Variants in DGKB observed in about 807,000 individuals in gnomAD.
DGKB encodes the protein diacylglycerol kinase beta.
A neutral mutation model predicts 114.3 loss-of-function variants in DGKB; 67 were observed. The ratio of observed to expected loss-of-function variants is 0.59; its 90% CI spans 0.48 to 0.72. The LOEUF is 0.72. DGKB is among the 30% of genes least tolerant of loss of function. The probability of loss-of-function intolerance (pLI) is 0.00; values close to 1 mark genes in which losing one functional copy is unlikely to be tolerated. For missense variants in DGKB, 907 were observed against 975.2 expected (o/e 0.93, Z 0.93); for synonymous variants, 398 against 323.1 (o/e 1.23, Z -2.49).
intron 13 of DGKB, among the ~76,000 whole-genome samples, chr7:14,639,068 A>G (rs1811263270): frequency 7.1e-6 from 1 of 141,460 alleles, no homozygotes; most frequent in Non-Finnish European, 1.5e-5. Context: ...TATTTATTAA[A>G]TTAAAAAAAA....
chr7:14,363,129 A>G (rs1357174944), intron 21 of DGKB, among the ~76,000 whole-genome samples: 1 of 152,144 alleles, frequency 6.6e-6, no homozygotes, highest in Non-Finnish European at 1.5e-5. Context: ...CAGCTCATCC[A>G]CCAGATTACT....
chr7:14,719,516 G>A (rs13237347), intron 5 of DGKB, among the ~76,000 whole-genome samples: 62,061 of 151,320 alleles, frequency 0.41, 14,585 homozygotes, highest in East Asian at 0.87. Flanking sequence ...GGGATATATG[G>A]CATTTTTAGA....
intron 21 of DGKB, among the ~76,000 whole-genome samples, chr7:14,406,913 T>C (rs2128737413): frequency 6.6e-6 from 1 of 152,156 alleles, no homozygotes; most frequent in East Asian, 1.9e-4. Context: ...GACATAGAAA[T>C]GAAAGAAGAA....
chr7:14,486,468 G>A (rs1388975059), intron 20 of DGKB, among the ~76,000 whole-genome samples: 1 of 152,114 alleles, frequency 6.6e-6, no homozygotes, highest in African/African-American at 2.4e-5. Context: ...GAGTTATATA[G>A]AGAAAACGGC....
chr7:14,409,168 T>C (rs1421048627), intron 21 of DGKB, among the ~76,000 whole-genome samples: 1 of 152,116 alleles, frequency 6.6e-6, no homozygotes, highest in Non-Finnish European at 1.5e-5. Flanking sequence ...ATTGCCATTG[T>C]GGTGGGCTCA....
intron 6 of DGKB, among the ~76,000 whole-genome samples, chr7:14,703,410 A>T (rs530503423): frequency 6.6e-6 from 1 of 152,236 alleles, no homozygotes; most frequent in African/African-American, 2.4e-5. Flanking sequence ...GATAATGGGC[A>T]TTCATTACTG....
intron 21 of DGKB, among the ~76,000 whole-genome samples, chr7:14,394,317 T>C (rs1375753194): frequency 1.3e-5 from 2 of 152,202 alleles, no homozygotes; most frequent in Admixed American, 1.3e-4. Context: ...CATTTTTCCT[T>C]CATTCCTCTT....
chr7:14,255,435 A>G (rs1795823887), intron 23 of DGKB, among the ~76,000 whole-genome samples: 1 of 152,178 alleles, frequency 6.6e-6, no homozygotes, highest in South Asian at 2.1e-4. Context: ...TACTTGCAGC[A>G]TCTCCCTTGG....
chr7:14,911,867 T>G (rs1027329879), intron 1 of DGKB, among the ~76,000 whole-genome samples: 2 of 152,214 alleles, frequency 1.3e-5, no homozygotes, highest in African/African-American at 4.8e-5. Context: ...GTTTCTAACT[T>G]TGTTTACATA....
intron 1 of DGKB, among the ~76,000 whole-genome samples, chr7:14,887,456 T>G (rs1185235808): frequency 6.6e-6 from 1 of 151,840 alleles, no homozygotes; most frequent in Admixed American, 6.6e-5. Flanking sequence ...GCATTGGACC[T>G]TCTTCTCTGT....
intron 21 of DGKB, among the ~76,000 whole-genome samples, chr7:14,422,675 A>T (rs1315445728): frequency 6.6e-6 from 1 of 151,994 alleles, no homozygotes; most frequent in African/African-American, 2.4e-5. Context: ...TTAGCTAAAA[A>T]GTTTCCCAAT....
chr7:14,632,666 G>C (rs953159852), intron 13 of DGKB, among the ~76,000 whole-genome samples: 1 of 151,816 alleles, frequency 6.6e-6, no homozygotes, highest in Admixed American at 6.6e-5. Context: ...AAGGTTGGGA[G>C]AGAAGTCATA....
chr7:14,548,862 T>C (rs1443345563), intron 20 of DGKB, among the ~76,000 whole-genome samples: 4 of 151,646 alleles, frequency 2.6e-5, no homozygotes, highest in East Asian at 3.9e-4. Flanking sequence ...TTAGAGAAGA[T>C]TGAATGATAA....
At chr7:14,648,578 A>G (rs975922613) in intron 13 of DGKB, among the ~76,000 whole-genome samples, 2 of 152,174 alleles carry the variant, frequency 1.3e-5, no homozygotes, top group African/African-American at 4.8e-5. Context: ...AACTCTAAAA[A>G]GCAGAGCGCC....
intron 22 of DGKB, among the ~76,000 whole-genome samples, chr7:14,340,138 G>T (rs532348623): frequency 7.0e-6 from 1 of 143,048 alleles, no homozygotes; most frequent in African/African-American, 2.6e-5. Context: ...CAATGAGGGC[G>T]AAACCAAGAT....
chr7:14,677,720 T>C (rs1820115989), intron 12 of DGKB, among the ~76,000 whole-genome samples: 1 of 151,802 alleles, frequency 6.6e-6, no homozygotes, highest in South Asian at 2.1e-4. Flanking sequence ...GTATAAGCAG[T>C]GGGATATTAA....
intron 15 of DGKB, among the ~76,000 whole-genome samples, 166 bp from the exon 16 acceptor site, chr7:14,613,579 GTGTA>G (rs902805996): frequency 1.6e-4 from 13 of 81,992 alleles, no homozygotes; most frequent in East Asian, 1.8e-3. Context: ...GTGTGTGCGT[GTGTA>G]TGTGTGTGTG....
chr7:14,620,749 TA>T (rs1807474593), intron 15 of DGKB, among the ~76,000 whole-genome samples: 2 of 151,786 alleles, frequency 1.3e-5, no homozygotes, highest in African/African-American at 4.8e-5. Context: ...TACAATGTCT[TA>T]AAATGCTATT....
At chr7:14,932,239 T>A (rs908831264) in intron 1 of DGKB, among the ~76,000 whole-genome samples, 87 of 152,124 alleles carry the variant, frequency 5.7e-4, no homozygotes, top group African/African-American at 2.1e-3. Context: ...TACTCCTGAT[T>A]CCCAGCCAGT....
Sources: allele counts gnomAD v4.1 joint callset (sites outside exome capture counted in the v4.1 genomes callset), GRCh38; gene constraint gnomAD v4.1.1; transcripts MANE v1.5; gene names NCBI Gene and HGNC (gene_info 2026-07-23, HGNC 2026-07-21).